Variants in LCMT1 observed in about 807,000 individuals in gnomAD.
LCMT1 encodes the protein [Phosphatase 2A protein]-leucine-carboxy methyltransferase 1.
A neutral mutation model predicts 47.7 loss-of-function variants in LCMT1; 32 were observed. That is an observed-to-expected ratio of 0.67 (90% confidence interval 0.51 to 0.90). LCMT1 has a LOEUF of 0.90. Among genes scored for constraint, LCMT1 ranks in the 40% least tolerant of loss-of-function variants. The pLI, the probability that LCMT1 is intolerant of heterozygous loss-of-function variation, is 0.00. For synonymous variants in LCMT1, 152 were observed against 149.7 expected, an observed-to-expected ratio of 1.02 and a Z score of -0.11; for missense variants, 375 against 415.2, an observed-to-expected ratio of 0.90 and a Z score of 0.84.
rs778138977 is a variant in LCMT1 at position 25,164,713 on chromosome 16, G to C, written c.685G>C (p.Glu229Gln). ...TGAGAGAGCCATGTTCATAAACTAC[G>C]AACAGGTAAAAGGAAGCACAGGAGA... The part of the protein sequence containing the change: ...SFERAMFINY[E>Q]QVNMGDRFGQ... Residue 229 changes from glutamate (E) to glutamine (Q), a missense_variant, in exon 7 of 11, where the codon GAA becomes CAA. By Grantham distance (29) the Glu-to-Gln change is conservative. Coordinates refer to ENST00000399069, the MANE Select transcript of LCMT1 (RefSeq NM_016309.3). The C allele has an allele frequency of 1.9e-5, 30 of 1,613,816 alleles. No homozygotes were observed. The highest frequency in any genetic ancestry group is 1.8e-5 in the Non-Finnish European group (21 of 1,179,868).
At chr16:25,150,376 C>CTTTTTTTTTT (rs1555484106) in intron 4 of LCMT1, among the ~76,000 whole-genome samples, 1 of 77,296 alleles carries the variant, frequency 1.3e-5, no homozygotes, top group African/African-American at 5.2e-5. Context: ...CGGAGTTTTG[C>CTTTTTTTTTT]TCTTGTTGCC....
At chr16:25,168,318 A>G (rs183056835) in intron 7 of LCMT1, among the ~76,000 whole-genome samples, 58 of 152,280 alleles carry the variant, frequency 3.8e-4, no homozygotes, top group African/African-American at 1.3e-3. Context: ...CAAAGTGCTG[A>G]GATTACAGAC....
intron 1 of LCMT1, among the ~76,000 whole-genome samples, chr16:25,121,965 C>T (rs1420948302): frequency 1.3e-5 from 2 of 152,174 alleles, no homozygotes; most frequent in Non-Finnish European, 2.9e-5. Context: ...GTACTTTGGC[C>T]ACTCTTCTGT....
chr16:25,137,948 C>G (rs1234511777), intron 3 of LCMT1, among the ~76,000 whole-genome samples: 1 of 151,520 alleles, frequency 6.6e-6, no homozygotes, highest in Non-Finnish European at 1.5e-5. Context: ...CTCACCCCCC[C>G]GGGATTCATC....
intron 6 of LCMT1, among the ~76,000 whole-genome samples, chr16:25,162,651 C>T (rs1961467172): frequency 6.6e-6 from 1 of 150,902 alleles, no homozygotes; most frequent in South Asian, 2.1e-4. Context: ...ACTAATAGAA[C>T]CCACCTGTAA....
At chr16:25,114,995 A>G (rs1959741787) in intron 1 of LCMT1, among the ~76,000 whole-genome samples, 1 of 152,112 alleles carries the variant, frequency 6.6e-6, no homozygotes, top group African/African-American at 2.4e-5. Context: ...CAGCATCCAC[A>G]TGGAGCCTAT....
At chr16:25,150,080 A>C (rs916522812) in intron 4 of LCMT1, among the ~76,000 whole-genome samples, 4 of 152,104 alleles carry the variant, frequency 2.6e-5, no homozygotes, top group African/African-American at 9.7e-5. Context: ...AGAGTTGCAG[A>C]TGACAGGTTT....
At chr16:25,130,578 C>G (rs535820548) in intron 2 of LCMT1, among the ~76,000 whole-genome samples, 4 of 151,984 alleles carry the variant, frequency 2.6e-5, no homozygotes, top group Non-Finnish European at 5.9e-5. Flanking sequence ...CTCAGGCAAT[C>G]AAAGCTGCAG....
intron 1 of LCMT1, among the ~76,000 whole-genome samples, chr16:25,122,233 C>T (rs554771417): frequency 6.6e-6 from 1 of 152,182 alleles, no homozygotes; most frequent in Non-Finnish European, 1.5e-5. Flanking sequence ...CCTATAATCA[C>T]TCATGAGGCT....
At chr16:25,136,737 C>G (rs1457673551) in intron 3 of LCMT1, among the ~76,000 whole-genome samples, 1 of 151,914 alleles carries the variant, frequency 6.6e-6, no homozygotes, top group Non-Finnish European at 1.5e-5. Context: ...TGGGGTTTTA[C>G]CATGTTGGCC....
chr16:25,137,800 A>G (rs1960547062), intron 3 of LCMT1, among the ~76,000 whole-genome samples: 1 of 152,134 alleles, frequency 6.6e-6, no homozygotes. Context: ...ATTCCAGCAG[A>G]GGACTGGTCT....
chr16:25,134,028 C>A (rs555895128), intron 3 of LCMT1, among the ~76,000 whole-genome samples: 1 of 134,662 alleles, frequency 7.4e-6, no homozygotes, highest in Non-Finnish European at 1.6e-5. Flanking sequence ...GAGACTTCGT[C>A]TCTTAAAAAA....
intron 5 of LCMT1, among the ~76,000 whole-genome samples, chr16:25,156,310 AACAGGG>A (rs1167476666): frequency 1.3e-5 from 2 of 152,178 alleles, no homozygotes; most frequent in Admixed American, 1.3e-4. Flanking sequence ...GCTTCCTGAG[AACAGGG>A]ACTGCTTCTG....
chr16:25,154,794 T>A (rs985705706), intron 5 of LCMT1, among the ~76,000 whole-genome samples: 9 of 152,192 alleles, frequency 5.9e-5, no homozygotes, highest in African/African-American at 2.2e-4. Context: ...GCCAGATGTG[T>A]TCTTTGATAA....
intron 9 of LCMT1, 55 bp downstream of exon 9, chr16:25,170,860 G>A: frequency 9.0e-7 from 1 of 1,107,848 alleles, no homozygotes; most frequent in Non-Finnish European, 1.3e-6. Flanking sequence ...CTCAAGGCAT[G>A]ATTGCCTGTA....
intron 5 of LCMT1, among the ~76,000 whole-genome samples, chr16:25,156,940 CT>C (rs5816285): frequency 0.012 from 1,552 of 129,970 alleles, 18 homozygotes; most frequent in African/African-American, 0.031. Context: ...TCCATTTTAC[CT>C]TTTTTTTTTT....
intron 3 of LCMT1, among the ~76,000 whole-genome samples, chr16:25,134,226 C>A (rs1960439771): frequency 6.6e-6 from 1 of 152,168 alleles, no homozygotes; most frequent in Non-Finnish European, 1.5e-5. Context: ...ATATGAAGGT[C>A]TTTGGTCATC....
At chr16:25,175,352 G>A (rs557987637) in intron 10 of LCMT1, among the ~76,000 whole-genome samples, 374 of 152,038 alleles carry the variant, frequency 2.5e-3, no homozygotes, top group African/African-American at 8.7e-3. Flanking sequence ...GGCTGGGCGC[G>A]GGGTCTCACA....
intron 1 of LCMT1, among the ~76,000 whole-genome samples, chr16:25,123,640 C>T (rs1419928046): frequency 9.0e-6 from 1 of 110,598 alleles, no homozygotes; most frequent in African/African-American, 3.7e-5. Flanking sequence ...CGGAGTCTTG[C>T]TCTGTCACCC....
Sources: gnomAD v4.1 joint callset for allele counts (sites outside exome capture counted in the v4.1 genomes callset) on GRCh38, gnomAD v4.1.1 for gene constraint, MANE v1.5 for transcripts, NCBI Gene and HGNC (gene_info 2026-07-23, HGNC 2026-07-21) for gene names.